The following ADAM22 variants were observed in gnomAD, a reference collection of about 807,000 sequenced individuals.
ADAM22 encodes ADAM metallopeptidase domain 22.
ADAM22 carries 65 observed loss-of-function variants against 144.6 expected under a neutral mutation model. That is an observed-to-expected ratio of 0.45 (90% CI 0.37 to 0.55). The LOEUF (loss-of-function observed/expected upper bound fraction) is 0.55. Ranked by LOEUF, ADAM22 falls within the 20% of genes least tolerant of loss-of-function variation. The probability of loss-of-function intolerance (pLI) is 0.00; values close to 1 mark genes in which losing one functional copy is unlikely to be tolerated. For missense variants in ADAM22, 974 were observed against 1,184.9 expected (o/e 0.82, Z 2.61); for synonymous variants, 391 against 412.6 (o/e 0.95, Z 0.63).
chr7:88,158,873 C>T (rs778783918), intron 22 of ADAM22, among the ~76,000 whole-genome samples: 1 of 151,704 alleles, frequency 6.6e-6, no homozygotes, highest in African/African-American at 2.4e-5. Flanking sequence ...ACAAACCAAC[C>T]CCAAAGCTAG....
chr7:88,181,070 T>A (rs1389988301), intron 27 of ADAM22, among the ~76,000 whole-genome samples: 2 of 152,132 alleles, frequency 1.3e-5, no homozygotes, highest in Admixed American at 6.6e-5. Context: ...CTTGAGCAAA[T>A]CTTTATGTAA....
chr7:88,144,210 C>T (rs150306703), intron 15 of ADAM22, among the ~76,000 whole-genome samples: 208 of 152,064 alleles, frequency 1.4e-3, no homozygotes, highest in Middle Eastern at 6.8e-3. Flanking sequence ...TATGTGTGCA[C>T]GTGTGTATCC....
chr7:88,179,854 G>T (rs1197194294), intron 27 of ADAM22, among the ~76,000 whole-genome samples: 1 of 152,076 alleles, frequency 6.6e-6, no homozygotes, highest in Non-Finnish European at 1.5e-5. Flanking sequence ...ATTCTTGTGG[G>T]AGAATTTATT....
chr7:87,958,973 A>C (rs926229486), intron 2 of ADAM22, among the ~76,000 whole-genome samples: 25 of 152,004 alleles, frequency 1.6e-4, no homozygotes, highest in Middle Eastern at 3.2e-3. Context: ...GGTTTAGCAG[A>C]TTTAATTTTT....
At chr7:88,148,906 T>G in intron 17 of ADAM22, 71 bp from the exon 18 acceptor site, 1 of 1,194,402 alleles carries the variant, frequency 8.4e-7, no homozygotes, top group South Asian at 1.4e-5. Flanking sequence ...TTCATTTTGT[T>G]TTTTTTAGAT....
chr7:88,103,045 G>A (rs1007564160), intron 4 of ADAM22, among the ~76,000 whole-genome samples: 3 of 152,186 alleles, frequency 2.0e-5, no homozygotes, highest in Non-Finnish European at 4.4e-5. Flanking sequence ...CATTCAGGTA[G>A]GAAGAGGTTG....
chr7:88,102,032 ATC>A (rs1381913452), intron 4 of ADAM22, among the ~76,000 whole-genome samples: 1 of 152,150 alleles, frequency 6.6e-6, no homozygotes, highest in Non-Finnish European at 1.5e-5. Flanking sequence ...GGTGTGGATG[ATC>A]TCTCTCAGTC....
intron 2 of ADAM22, among the ~76,000 whole-genome samples, chr7:87,947,234 T>G (rs1357228754): frequency 6.6e-6 from 1 of 151,078 alleles, no homozygotes; most frequent in African/African-American, 2.4e-5. Flanking sequence ...AAAAAGATTA[T>G]GAAAGCTTTG....
chr7:88,100,399 A>G (rs1822586389), intron 4 of ADAM22, among the ~76,000 whole-genome samples: 1 of 152,232 alleles, frequency 6.6e-6, no homozygotes, highest in African/African-American at 2.4e-5. Context: ...ACCATGTGAT[A>G]GCCTCACTTA....
intron 2 of ADAM22, among the ~76,000 whole-genome samples, chr7:87,974,741 G>T (rs1043389268): frequency 2.0e-5 from 3 of 152,178 alleles, no homozygotes; most frequent in African/African-American, 4.8e-5. Context: ...AACTGTGGAG[G>T]TCAGAAGCCT....
intron 2 of ADAM22, among the ~76,000 whole-genome samples, chr7:87,938,563 A>C (rs980716667): frequency 2.6e-5 from 4 of 151,966 alleles, no homozygotes; most frequent in African/African-American, 7.3e-5. Context: ...TCATAAATAA[A>C]ATCAGGGTGA....
At chr7:88,142,708 G>A (rs1192648464) in intron 14 of ADAM22, among the ~76,000 whole-genome samples, 1 of 151,880 alleles carries the variant, frequency 6.6e-6, no homozygotes, top group African/African-American at 2.4e-5. Context: ...CATGGTGGCG[G>A]GCGCCTGTAG....
chr7:88,159,490 TG>T (rs1840957673), intron 22 of ADAM22, among the ~76,000 whole-genome samples: 1 of 152,092 alleles, frequency 6.6e-6, no homozygotes, highest in Non-Finnish European at 1.5e-5. Flanking sequence ...TGATGAACAT[TG>T]ATTCAGAAAT....
intron 2 of ADAM22, among the ~76,000 whole-genome samples, chr7:87,961,283 A>G (rs1847945336): frequency 6.6e-6 from 1 of 152,158 alleles, no homozygotes; most frequent in African/African-American, 2.4e-5. Context: ...AATATGAATA[A>G]CAAGATGACT....
chr7:87,962,285 A>G (rs1029801779), intron 2 of ADAM22, among the ~76,000 whole-genome samples: 2 of 152,250 alleles, frequency 1.3e-5, no homozygotes, highest in East Asian at 3.8e-4. Flanking sequence ...TACAGTTTGC[A>G]AAATAACTTT....
chr7:87,976,851 G>C (rs1851999309), intron 2 of ADAM22, among the ~76,000 whole-genome samples: 1 of 151,750 alleles, frequency 6.6e-6, no homozygotes, highest in Non-Finnish European at 1.5e-5. Flanking sequence ...TGAAATCCAG[G>C]GAGAAGGGTT....
chr7:88,174,601 T>G (rs1845175457), intron 26 of ADAM22, among the ~76,000 whole-genome samples: 1 of 152,128 alleles, frequency 6.6e-6, no homozygotes, highest in Admixed American at 6.6e-5. Context: ...GTTTTTAGGG[T>G]AAGTTTGCAA....
intron 4 of ADAM22, among the ~76,000 whole-genome samples, chr7:88,095,144 T>C (rs1820909210): frequency 6.6e-6 from 1 of 152,200 alleles, no homozygotes; most frequent in African/African-American, 2.4e-5. Flanking sequence ...TTCTTACTGC[T>C]AGTTTCTGAT....
chr7:88,040,801 G>T (rs1426080048), intron 3 of ADAM22, among the ~76,000 whole-genome samples: 1 of 151,932 alleles, frequency 6.6e-6, no homozygotes, highest in East Asian at 1.9e-4. Flanking sequence ...GTGAAATAAA[G>T]GTGTTGGCTT....
Sources: gnomAD v4.1 joint callset for allele counts (sites outside exome capture counted in the v4.1 genomes callset) on GRCh38, gnomAD v4.1.1 for gene constraint, MANE v1.5 for transcripts, NCBI Gene and HGNC (gene_info 2026-07-23, HGNC 2026-07-21) for gene names.